Variants in TLN2 observed in about 807,000 individuals in gnomAD.
TLN2 encodes the protein talin 2.
Under a neutral mutation model 294.7 loss-of-function variants are expected in TLN2, and 118 were observed. That is an observed-to-expected ratio of 0.40 (90% CI 0.34 to 0.47). TLN2 has a LOEUF of 0.47. Among genes scored for constraint, TLN2 ranks in the 20% least tolerant of loss-of-function variants. The pLI is 0.84. For synonymous variants in TLN2, 1,431 were observed against 1,304.5 expected, an observed-to-expected ratio of 1.10 and a Z score of -2.09; for missense variants, 3,083 against 3,282.2, an observed-to-expected ratio of 0.94 and a Z score of 1.48.
chr15:62,480,459 A>G (rs1184806563), intron 1 of TLN2, among the ~76,000 whole-genome samples: 1 of 152,176 alleles, frequency 6.6e-6, no homozygotes, highest in Non-Finnish European at 1.5e-5. Flanking sequence ...CCTGGCCTCA[A>G]GTGATAACAG....
intron 54 of TLN2, 74 bp from the exon 55 acceptor site, chr15:62,833,430 G>A (rs1451298592): frequency 1.3e-6 from 2 of 1,569,752 alleles, no homozygotes; most frequent in Non-Finnish European, 1.7e-6. Context: ...AGGTGACCCG[G>A]CAGTAAGTAG....
chr15:62,588,072 G>C (rs1596260203), intron 1 of TLN2, among the ~76,000 whole-genome samples: 1 of 152,040 alleles, frequency 6.6e-6, no homozygotes, highest in Admixed American at 6.6e-5. Context: ...AGTAGAGACA[G>C]GGTTTCACCG....
intron 1 of TLN2, among the ~76,000 whole-genome samples, chr15:62,505,178 C>T (rs564385518): frequency 2.6e-5 from 4 of 152,156 alleles, no homozygotes; most frequent in Middle Eastern, 6.8e-3. Flanking sequence ...AGGCCAGTCT[C>T]GAACTCCTGA....
At position 62,676,625 on chromosome 15, in the gene TLN2, G is replaced by GT. The variant is rs553468680; in HGVS notation, c.957+1310dup. 7.9e-5 allele frequency among the ~76,000 whole-genome samples: 12 copies of GT among 152,184 alleles called. No individual in the cohort carries two copies. The East Asian group carries it at 1.2e-3, about 15-fold the overall frequency. ...AAAACTACTACTACTATCTTCTTTT[G>GT]TTTTTTGGAGACGGAGTCTCACTCT... is the stretch of plus-strand genomic sequence containing the variant. On this transcript the variant is annotated intron_variant, in intron 11 of 58. Transcript: ENST00000636159.
At chr15:62,450,851 A>G (rs1054937530) in intron 1 of TLN2, among the ~76,000 whole-genome samples, 8 of 151,970 alleles carry the variant, frequency 5.3e-5, no homozygotes, top group Admixed American at 5.2e-4. Flanking sequence ...GATTATAGGC[A>G]TGAGCTACCA....
rs1375132538 is a variant in TLN2, at chr15:62,648,145, G to A, written c.136+699G>A. ...CTTAAAAATGGAAAGAATAGGCCAAGCATGGTGGCTCACACCTGTAATCCA... is the reference window on the plus strand; with the variant it reads ...CTTAAAAATGGAAAGAATAGGCCAAACATGGTGGCTCACACCTGTAATCCA... On this transcript the variant is annotated intron_variant, in intron 4 of 58. Transcript: ENST00000636159. 3.9e-5 allele frequency among the ~76,000 whole-genome samples: 6 copies of A among 152,120 alleles called. No homozygotes were observed. In the East Asian group the frequency reaches 9.6e-4, roughly 24 times the overall value.
At chr15:62,802,727 T>G (rs984393063) in intron 50 of TLN2, among the ~76,000 whole-genome samples, 3 of 152,202 alleles carry the variant, frequency 2.0e-5, no homozygotes, top group Admixed American at 6.5e-5. Flanking sequence ...TCCACATCCC[T>G]GCCAGCATTT....
intron 1 of TLN2, among the ~76,000 whole-genome samples, chr15:62,516,005 C>T (rs943509353): frequency 1.3e-5 from 2 of 152,074 alleles, no homozygotes; most frequent in African/African-American, 2.4e-5. Context: ...GGCCAGGACT[C>T]GAAGGGAGCC....
intron 37 of TLN2, 35 bp downstream of exon 37, chr15:62,755,728 G>A: frequency 6.2e-7 from 1 of 1,611,470 alleles, no homozygotes; most frequent in African/African-American, 1.3e-5. Flanking sequence ...ATTGAACTCT[G>A]TAACTCCTGT....
intron 1 of TLN2, among the ~76,000 whole-genome samples, chr15:62,525,832 C>A (rs1408116009): frequency 6.6e-6 from 1 of 152,206 alleles, no homozygotes; most frequent in Non-Finnish European, 1.5e-5. Flanking sequence ...CTCAGGCCTC[C>A]TTAGTCAGTG....
At chr15:62,730,029 CTTTT>C (rs11368681) in intron 28 of TLN2, among the ~76,000 whole-genome samples, 2 of 121,170 alleles carry the variant, frequency 1.7e-5, no homozygotes, top group African/African-American at 6.4e-5. Context: ...TTATTGTTGT[CTTTT>C]TTTTTTTTTT....
intron 1 of TLN2, among the ~76,000 whole-genome samples, chr15:62,434,634 T>C (rs938756630): frequency 6.6e-6 from 1 of 152,186 alleles, no homozygotes; most frequent in African/African-American, 2.4e-5. Context: ...TAACCAACAA[T>C]GTATGAGAGT....
intron 3 of TLN2, among the ~76,000 whole-genome samples, chr15:62,635,689 A>T (rs953825647): frequency 6.6e-6 from 1 of 152,146 alleles, no homozygotes; most frequent in Non-Finnish European, 1.5e-5. Flanking sequence ...ATCTCTATTA[A>T]GCCTAATTTA....
At chr15:62,737,407 T>G (rs1258899060) in intron 29 of TLN2, among the ~76,000 whole-genome samples, 1 of 152,252 alleles carries the variant, frequency 6.6e-6, no homozygotes, top group Non-Finnish European at 1.5e-5. Flanking sequence ...GCTATATTGC[T>G]GTTCCTTGCC....
At chr15:62,820,184 C>G (rs1373627766) in intron 53 of TLN2, among the ~76,000 whole-genome samples, 1 of 152,112 alleles carries the variant, frequency 6.6e-6, no homozygotes, top group Non-Finnish European at 1.5e-5. Context: ...GATTCATGAG[C>G]TTTAAGTTCA....
chr15:62,527,305 T>C (rs150145042), intron 1 of TLN2, among the ~76,000 whole-genome samples: 1 of 152,326 alleles, frequency 6.6e-6, no homozygotes, highest in African/African-American at 2.4e-5. Context: ...GTGGGTTTCT[T>C]GGCTGGTTGA....
intron 1 of TLN2, among the ~76,000 whole-genome samples, chr15:62,552,467 C>T (rs2042377046): frequency 6.6e-6 from 1 of 152,126 alleles, no homozygotes; most frequent in South Asian, 2.1e-4. Context: ...TGAGATCACA[C>T]AAGAAAACAC....
At chr15:62,580,970 G>A (rs1006248577) in intron 1 of TLN2, among the ~76,000 whole-genome samples, 3 of 147,320 alleles carry the variant, frequency 2.0e-5, no homozygotes, top group Non-Finnish European at 3.0e-5. Flanking sequence ...AGCAACTTCC[G>A]CCTCCCAGGT....
rs557739888 is a variant in TLN2, at chr15:62,840,659, GGACA to G, written c.*55_*58del. 33 of 1,586,874 alleles carry G rather than the reference GGACA, an allele frequency of 2.1e-5. No individual in the cohort carries two copies. The highest frequency in any genetic ancestry group is 1.3e-4 in the South Asian group (11 of 86,990). On this transcript the variant is annotated 3_prime_UTR_variant, in exon 59 of 59. Transcript: ENST00000636159. ...CCCAGGGGATGGCCCTGGCTGAACT[GGACA>G]GACAGTGTTCCTGAGAGGCTGGGCA...
Sources: allele counts gnomAD v4.1 joint callset (sites outside exome capture counted in the v4.1 genomes callset), GRCh38; gene constraint gnomAD v4.1.1; transcripts MANE v1.5; gene names NCBI Gene and HGNC (gene_info 2026-07-23, HGNC 2026-07-21).